Variants in PTPRD observed in about 807,000 individuals in gnomAD.
The protein encoded by PTPRD is receptor-type tyrosine-protein phosphatase delta.
In PTPRD, 34 loss-of-function variants were observed where a neutral mutation model predicts 214.5. That is an observed-to-expected ratio of 0.16 (90% confidence interval 0.12 to 0.21). The LOEUF (loss-of-function observed/expected upper bound fraction) is 0.21. Among genes scored for constraint, PTPRD ranks in the 10% least tolerant of loss-of-function variants. The probability of loss-of-function intolerance (pLI) is 1.00; values close to 1 mark genes in which losing one functional copy is unlikely to be tolerated. For synonymous variants in PTPRD, 1,128 were observed against 845.7 expected, an observed-to-expected ratio of 1.33 and a Z score of -5.79; for missense variants, 2,545 against 2,398.7, an observed-to-expected ratio of 1.06 and a Z score of -1.27.
chr9:10,534,327 G>T (rs975103738), intron 2 of PTPRD, among the ~76,000 whole-genome samples: 4 of 151,592 alleles, frequency 2.6e-5, no homozygotes, highest in Non-Finnish European at 5.9e-5. Flanking sequence ...AAAAAGCAAT[G>T]GTTTTGTATG....
chr9:8,489,056 A>G (rs1336243367), intron 27 of PTPRD, among the ~76,000 whole-genome samples: 3 of 152,202 alleles, frequency 2.0e-5, no homozygotes, highest in African/African-American at 7.2e-5. Flanking sequence ...GATCTAAACC[A>G]CAAATAGAGA....
chr9:9,130,139 AG>A, intron 10 of PTPRD, among the ~76,000 whole-genome samples: 1 of 152,256 alleles, frequency 6.6e-6, no homozygotes, highest in Middle Eastern at 3.4e-3. Flanking sequence ...AGGTATTTTC[AG>A]GGGGGCTTGG....
intron 3 of PTPRD, among the ~76,000 whole-genome samples, chr9:10,185,479 T>C (rs1378816535): frequency 1.3e-5 from 2 of 152,222 alleles, no homozygotes; most frequent in Non-Finnish European, 2.9e-5. Flanking sequence ...AACTGTATTC[T>C]AGGCACTTCA....
At chr9:8,642,414 AG>A (rs1318504905) in intron 12 of PTPRD, among the ~76,000 whole-genome samples, 2 of 152,218 alleles carry the variant, frequency 1.3e-5, no homozygotes, top group Non-Finnish European at 2.9e-5. Flanking sequence ...AAATTTTTAA[AG>A]GGGAAGGTGA....
chr9:9,633,642 C>G (rs565151276), intron 7 of PTPRD, among the ~76,000 whole-genome samples: 8 of 151,890 alleles, frequency 5.3e-5, no homozygotes, highest in African/African-American at 1.9e-4. Flanking sequence ...TATTCATGTT[C>G]GAAGGAAAGT....
At chr9:10,007,205 C>T (rs900527820) in intron 4 of PTPRD, among the ~76,000 whole-genome samples, 1 of 151,916 alleles carries the variant, frequency 6.6e-6, no homozygotes, top group South Asian at 2.1e-4. Flanking sequence ...ACTATATAAA[C>T]CTTTAGTGCA....
rs3215098 is a variant in PTPRD at position 8,331,574 on chromosome 9, A to AAACTTACCATTCTTGAACTAT, written c.5534+7_5534+8insATAGTTCAAGAATGGTAAGTT. 1 of 1,594,638 alleles carries AAACTTACCATTCTTGAACTAT rather than the reference A, an allele frequency of 6.3e-7. No homozygotes were observed. The highest frequency in any genetic ancestry group is 1.3e-5 in the African/African-American group (1 of 74,572). On this transcript the variant is annotated splice_region_variant and intron_variant, in intron 44 of 45. Transcript: ENST00000381196. The stretch of plus-strand genomic sequence containing the variant: ...TTATCACTGCTTTATTCACAAATGG[A>AAACTTACCATTCTTGAACTAT]AACTTACCTGCAATGGACTGAAATG...
intron 12 of PTPRD, among the ~76,000 whole-genome samples, chr9:8,695,157 A>C (rs140063939): frequency 2.0e-3 from 298 of 152,248 alleles, no homozygotes; most frequent in African/African-American, 6.2e-3. Context: ...CAGCAGCTCT[A>C]AACACCACAT....
intron 3 of PTPRD, among the ~76,000 whole-genome samples, chr9:10,217,582 T>C (rs1328093969): frequency 6.6e-6 from 1 of 151,996 alleles, no homozygotes; most frequent in Non-Finnish European, 1.5e-5. Context: ...ACCACCAGTA[T>C]ATCTCAGTTA....
chr9:8,407,260 T>A (rs2093076187), intron 35 of PTPRD, among the ~76,000 whole-genome samples: 2 of 152,234 alleles, frequency 1.3e-5, no homozygotes, highest in Admixed American at 6.5e-5. Context: ...TTATGCTTTA[T>A]ATGAAGAATT....
At chr9:9,726,319 C>G (rs1422756624) in intron 7 of PTPRD, among the ~76,000 whole-genome samples, 1 of 152,166 alleles carries the variant, frequency 6.6e-6, no homozygotes, top group African/African-American at 2.4e-5. Context: ...CATACACCTT[C>G]CCAGGCTGTA....
chr9:9,938,345 T>C (rs2090295441), intron 5 of PTPRD, among the ~76,000 whole-genome samples, 162 bp downstream of exon 5: 2 of 152,202 alleles, frequency 1.3e-5, no homozygotes, highest in Non-Finnish European at 2.9e-5. Context: ...AAAGACACTA[T>C]CGAATTTTAA....
At chr9:9,574,308 C>T (rs897960862) in intron 8 of PTPRD, among the ~76,000 whole-genome samples, 3 of 151,892 alleles carry the variant, frequency 2.0e-5, no homozygotes, top group Admixed American at 1.3e-4. Flanking sequence ...CTCTCAACTT[C>T]CTGGAGCTCT....
chr9:10,097,458 C>T (rs1403085263), intron 3 of PTPRD, among the ~76,000 whole-genome samples: 1 of 151,180 alleles, frequency 6.6e-6, no homozygotes, highest in African/African-American at 2.4e-5. Context: ...CTTCACATCC[C>T]TTGTAAGTTG....
intron 9 of PTPRD, among the ~76,000 whole-genome samples, chr9:9,370,864 G>A (rs1386398737): frequency 6.6e-6 from 1 of 152,102 alleles, no homozygotes; most frequent in Non-Finnish European, 1.5e-5. Context: ...CATCTATTGA[G>A]ATAATCATGT....
intron 7 of PTPRD, among the ~76,000 whole-genome samples, chr9:9,599,897 G>C (rs915144860): frequency 1.8e-4 from 28 of 151,936 alleles, no homozygotes; most frequent in Admixed American, 1.5e-3. Flanking sequence ...CTCAATTTAA[G>C]GATATTAAAG....
intron 3 of PTPRD, among the ~76,000 whole-genome samples, chr9:10,161,596 A>T (rs2099127488): frequency 6.6e-6 from 1 of 151,970 alleles, no homozygotes; most frequent in Admixed American, 6.6e-5. Flanking sequence ...TGAAACTATT[A>T]TAAGAAAATT....
chr9:9,480,538 T>A (rs1357834424), intron 8 of PTPRD, among the ~76,000 whole-genome samples: 1 of 152,100 alleles, frequency 6.6e-6, no homozygotes, highest in Non-Finnish European at 1.5e-5. Flanking sequence ...AAAAGCAATA[T>A]TTAAAAAAAA....
chr9:8,645,049 G>A (rs1021857976), intron 12 of PTPRD, among the ~76,000 whole-genome samples: 8 of 152,192 alleles, frequency 5.3e-5, no homozygotes, highest in African/African-American at 1.9e-4. Flanking sequence ...TATAAAGATT[G>A]CACAGATAAT....
Sources: allele counts gnomAD v4.1 joint callset (sites outside exome capture counted in the v4.1 genomes callset), GRCh38; gene constraint gnomAD v4.1.1; transcripts MANE v1.5; gene names NCBI Gene and HGNC (gene_info 2026-07-23, HGNC 2026-07-21).